The following TULP1 variants were observed in gnomAD, a reference collection of about 807,000 sequenced individuals.
TULP1 encodes TUB like protein 1.
In TULP1, 50 loss-of-function variants were observed where a neutral mutation model predicts 67.1. The ratio of observed to expected loss-of-function variants is 0.75; its 90% confidence interval spans 0.59 to 0.94. The LOEUF is 0.94. TULP1 is among the 40% of genes least tolerant of loss of function. TULP1 has a pLI of 0.00. For synonymous variants in TULP1, 297 were observed against 294.0 expected (o/e 1.01, Z -0.11); for missense variants, 746 against 734.1 (o/e 1.02, Z -0.19).
At chr6:35,512,316 G>A (rs1761227277) in intron 2 of TULP1, 46 bp from the exon 3 acceptor site, 1 of 963,628 alleles carries the variant, frequency 1.0e-6, no homozygotes, top group South Asian at 2.1e-5. Context: ...AAAGGGGGGC[G>A]CTGAGGCCCG....
intron 11 of TULP1, among the ~76,000 whole-genome samples, chr6:35,504,726 AT>A (rs557027315): frequency 1.7e-3 from 241 of 142,954 alleles, no homozygotes; most frequent in Middle Eastern, 7.2e-3. Flanking sequence ...CGCTGGGCTA[AT>A]TTTTTTTTTT....
rs1403705565 is a variant in TULP1 at position 35,509,944 on chromosome 6, G to A, written c.500-16C>T. 6.2e-7 allele frequency: 1 copy of A among 1,612,802 alleles called. No individual in the cohort carries two copies. Among genetic ancestry groups the A allele is most frequent in the Non-Finnish European group, 8.5e-7 (1 of 1,179,246 alleles). On this transcript the variant is annotated splice_polypyrimidine_tract_variant and intron_variant, in intron 5 of 14. Coordinates refer to ENST00000229771, the MANE Select transcript of TULP1 (RefSeq NM_003322.6). ...CCCAGGTCTCCTGGAAATGGAAGAT[G>A]GGGGTCAGGCAAAGAAGGTGTCTAC...
chr6:35,509,093 G>A (rs968122510), intron 8 of TULP1, 116 bp downstream of exon 8: 11 of 889,222 alleles, frequency 1.2e-5, no homozygotes, highest in Non-Finnish European at 1.9e-5. Flanking sequence ...ACAAGAGGGG[G>A]AGCCAAGGTT....
rs763333253 is a variant in TULP1, at chr6:35,498,436, C to A, written c.1520G>T (p.Gly507Val). The change falls in exon 15 of 15, where the codon GGC becomes GTC. Residue 507 changes from glycine (G) to valine (V), a missense_variant. Gly to Val is a moderately radical substitution (Grantham distance 109). Around this residue, in one of 3 missense-constraint regions of TULP1, gnomAD observed 383 missense variants for 374.1 expected, o/e 1.02. Coordinates refer to ENST00000229771, the MANE Select transcript of TULP1 (RefSeq NM_003322.6). The surrounding 1 kb of genome is among the most constrained non-coding windows in gnomAD (Gnocchi z 6.7). ...GGTGAAGGCGTCCTCCGCCACGCGG[C>A]CGAACTGCAGCACGATATAGTCGGC... ...DDPDYIVLQF[G>V]RVAEDAFTLD... 3 of 1,613,950 alleles carry A rather than the reference C, an allele frequency of 1.9e-6. 1 individual carries two copies. The African/African-American group carries it at 4.0e-5, about 22-fold the overall frequency.
chr6:35,499,866 G>T, intron 14 of TULP1, 115 bp downstream of exon 14: 1 of 1,328,904 alleles, frequency 7.5e-7, no homozygotes, highest in Non-Finnish European at 1.1e-6. Flanking sequence ...GGATGTCCCA[G>T]CTCTCGGGAT....
chr6:35,511,777 G>T lies in TULP1; in HGVS notation c.220C>A (p.Pro74Thr), dbSNP rs200713417. 6.4e-7 allele frequency: 1 copy of T among 1,572,664 alleles called. No individual in the cohort carries two copies. The change falls in exon 4 of 15, where the codon CCT (proline) becomes ACT (threonine). Residue 74 changes from proline to threonine, a missense_variant. By Grantham distance (38) the Pro-to-Thr change is conservative (BLOSUM62 -1). Transcript: ENST00000229771. ...AGRTGRPREE[P>T]SPDPAQARAP... is the part of the protein sequence containing the mutation. ...CGGGCCTGGGCTGGGTCTGGGGAAG[G>T]CTCCTCCCGCGGCCTCCCCGTCCGC... is the stretch of plus-strand genomic sequence containing the variant.
At chr6:35,504,458 C>CT (rs533153433) in intron 11 of TULP1, among the ~76,000 whole-genome samples, 41 of 152,322 alleles carry the variant, frequency 2.7e-4, no homozygotes, top group African/African-American at 9.4e-4. Flanking sequence ...TATTTAAACT[C>CT]TCTGAGCCCC....
Position 35,510,014 on chromosome 6 carries a change from C to G in TULP1, c.500-86G>C, listed in dbSNP as rs541593413. ...CCAACCCTCTTGTCCTGCCTATAGT[C>G]CCCAGGGAGGCTGAAAGCTTGACAG... is the stretch of plus-strand genomic sequence containing the variant. On this transcript the variant is annotated intron_variant, in intron 5 of 14. Coordinates refer to ENST00000229771, the MANE Select transcript of TULP1 (RefSeq NM_003322.6). The G allele has an allele frequency of 5.3e-6, 7 of 1,318,740 alleles. No individual in the cohort carries two copies. In the Admixed American group the frequency reaches 1.1e-4, roughly 20 times the overall value. 81.7% of individuals were successfully genotyped at this position (1,318,740 alleles called of 1,614,324 possible).
Position 35,505,873 on chromosome 6 carries a change from G to A in TULP1, c.1000-20C>T. The A allele has an allele frequency of 6.2e-7, 1 of 1,614,232 alleles. No individual in the cohort carries two copies. Among genetic ancestry groups the A allele is most frequent in the Non-Finnish European group, 8.5e-7 (1 of 1,180,042 alleles). On this transcript the variant is annotated intron_variant, in intron 10 of 14. Coordinates refer to ENST00000229771, the MANE Select transcript of TULP1 (RefSeq NM_003322.6). Reference sequence around the variant, plus strand: ...GAACACCTGGGGAAAAGGGGAGACAGGTGAGAGGATGGGAAGAGAAGGTGG... The same window carrying A: ...GAACACCTGGGGAAAAGGGGAGACAAGTGAGAGGATGGGAAGAGAAGGTGG...
chr6:35,506,090 C>A lies in TULP1; in HGVS notation c.912G>T (p.Thr304=), dbSNP rs765820404. The change falls in exon 10 of 15, where the codon ACG becomes ACT. Residue 304 remains threonine (T), a synonymous_variant. Coordinates refer to ENST00000229771, the MANE Select transcript of TULP1 (RefSeq NM_003322.6). ...TGTCCCGGGTCAGCCGGCAGCGCAC[C>A]GTGCGGCCCTGGGGGGCAGGCCGGA... ...FVLRPAPQGR[T]VRCRLTRDKK... is the part of the protein sequence containing the mutation. 2.5e-6 allele frequency: 4 copies of A among 1,613,700 alleles called. No individual in the cohort carries two copies. The Admixed American group carries it at 6.7e-5, about 27-fold the overall frequency.
intron 7 of TULP1, 99 bp downstream of exon 7, chr6:35,509,535 C>T: frequency 7.6e-7 from 1 of 1,308,680 alleles, no homozygotes; most frequent in Non-Finnish European, 1.1e-6. Context: ...CTGGCAAACT[C>T]CTTACCTAGC....
chr6:35,509,132 C>T (rs1307869718), intron 8 of TULP1, 77 bp downstream of exon 8: 8 of 1,331,954 alleles, frequency 6.0e-6, no homozygotes, highest in Non-Finnish European at 8.6e-6. Context: ...AAGCCCCCAC[C>T]CTCTAGGCTC....
intron 8 of TULP1, among the ~76,000 whole-genome samples, chr6:35,506,936 G>C (rs1446872965): frequency 6.6e-6 from 1 of 152,090 alleles, no homozygotes; most frequent in Non-Finnish European, 1.5e-5. Flanking sequence ...CTTATTGTTA[G>C]CGTATAGTAA....
chr6:35,500,102 G>A lies in TULP1; in HGVS notation c.1374C>T (p.Leu458=), dbSNP rs868745568. 1 of 1,614,208 alleles carries A rather than the reference G, an allele frequency of 6.2e-7. No homozygotes were observed. Among genetic ancestry groups the A allele is most frequent in the Non-Finnish European group, 8.5e-7 (1 of 1,180,046 alleles). Residue 458 remains leucine (L), a synonymous_variant, in exon 14 of 15, where the codon CTC becomes CTT. Coordinates refer to ENST00000229771, the MANE Select transcript of TULP1 (RefSeq NM_003322.6). The part of the protein sequence containing the change: ...VRWQNKTLES[L]IELHNKPPVW... ...CAGGTGGCTTGTTGTGCAGTTCTAT[G>A]AGGCTCTCCAGCGTCTTGTTCTGCC...
chr6:35,505,722 C>T lies in TULP1; in HGVS notation c.1112+19G>A. 3.1e-6 allele frequency: 5 copies of T among 1,613,822 alleles called. No homozygotes were observed. Among genetic ancestry groups the T allele is most frequent in the South Asian group, 1.1e-5 (1 of 90,996 alleles). ...TTTGCTGACCCAAGTCCCCCCAGCC[C>T]CAGGAAGCCCAGCCCCACCTCAGCT... On this transcript the variant is annotated intron_variant, in intron 11 of 14. Coordinates refer to ENST00000229771, the MANE Select transcript of TULP1 (RefSeq NM_003322.6).
chr6:35,500,796 C>T (rs752077494), intron 13 of TULP1, among the ~76,000 whole-genome samples: 1 of 152,054 alleles, frequency 6.6e-6, no homozygotes, highest in Non-Finnish European at 1.5e-5. Flanking sequence ...AAGAGAGACC[C>T]GAAACAGCAC....
rs1480664773 is a variant in TULP1, at chr6:35,503,475, CA to C, written c.1323+83del. ...TGTGTTGGAGGGTGATGGATGTGCT[CA>C]GGGAGTTGGCTATTTCCTAAGCTGA... On this transcript the variant is annotated intron_variant, in intron 13 of 14. Transcript: ENST00000229771. The surrounding 1 kb of genome is among the most constrained non-coding windows in gnomAD (Gnocchi z 4.0). 1 of 1,347,150 alleles carries C rather than the reference CA, an allele frequency of 7.4e-7. No individual in the cohort carries two copies. The highest frequency in any genetic ancestry group is 1.4e-5 in the African/African-American group (1 of 69,072). 83.4% of individuals were successfully genotyped at this position (1,347,150 alleles called of 1,614,324 possible).
Position 35,506,036 on chromosome 6 carries a change from G to A in TULP1, c.966C>T (p.Pro322=), listed in dbSNP as rs769143470. The part of the protein sequence containing the change: ...DKKGMDRGMY[P]SYFLHLDTEK... ...CCGTGTCCAGGTGCAGGAAGTAGGA[G>A]GGATACATGCCTCGATCCATGCCCT... Residue 322 remains proline, a synonymous_variant, in exon 10 of 15, where the codon CCC becomes CCT. Coordinates refer to ENST00000229771, the MANE Select transcript of TULP1 (RefSeq NM_003322.6). The A allele has an allele frequency of 1.2e-5, 20 of 1,613,806 alleles. No homozygotes were observed. The highest frequency in any genetic ancestry group is 2.2e-5 in the East Asian group (1 of 44,890).
At position 35,512,853 on chromosome 6, in the gene TULP1, A is replaced by T. The variant is rs550803160; in HGVS notation, c.6T>A (p.Pro2=). 1 of 1,612,730 alleles carries T rather than the reference A, an allele frequency of 6.2e-7. No homozygotes were observed. The highest frequency in any genetic ancestry group is 8.5e-7 in the Non-Finnish European group (1 of 1,180,008). M[P]LRDETLREVW... ...CCTCTCGGAGGGTTTCATCCCGCAG[A>T]GGCATGGTGCCTTTGCCTATCGCAC... is the stretch of plus-strand genomic sequence containing the variant. The change falls in exon 1 of 15, where the codon CCT becomes CCA. Residue 2 remains proline (P), a synonymous_variant. Coordinates refer to ENST00000229771, the MANE Select transcript of TULP1 (RefSeq NM_003322.6).
Sources: allele counts gnomAD v4.1 joint callset (sites outside exome capture counted in the v4.1 genomes callset), GRCh38; gene constraint gnomAD v4.1.1; regional missense constraint gnomAD v4.1.1; non-coding constraint Gnocchi (gnomAD v3.1); transcripts MANE v1.5; gene names NCBI Gene and HGNC (gene_info 2026-07-23, HGNC 2026-07-21).